Variants in ABCC1 observed in about 807,000 individuals in gnomAD.
ABCC1 encodes the protein ATP binding cassette subfamily C member 1 (ABCC1 blood group).
A neutral mutation model predicts 172.9 loss-of-function variants in ABCC1; 83 were observed. The observed-to-expected ratio is 0.48, with a 90% CI of 0.40 to 0.58. The LOEUF (loss-of-function observed/expected upper bound fraction) is 0.58. ABCC1 is among the 20% of genes least tolerant of loss of function. The probability of loss-of-function intolerance (pLI) is 0.00; values close to 1 mark genes in which losing one functional copy is unlikely to be tolerated. For synonymous variants in ABCC1, 937 were observed against 825.2 expected (o/e 1.14, Z -2.32); for missense variants, 1,817 against 2,002.7 (o/e 0.91, Z 1.77).
At chr16:16,059,263 G>A (rs1338203176) in intron 12 of ABCC1, among the ~76,000 whole-genome samples, 2 of 152,142 alleles carry the variant, frequency 1.3e-5, no homozygotes, top group African/African-American at 4.8e-5. Flanking sequence ...ATTAAATTTC[G>A]AGAGAGACTG....
intron 18 of ABCC1, among the ~76,000 whole-genome samples, chr16:16,090,191 C>T (rs990638597): frequency 4.6e-5 from 7 of 152,224 alleles, no homozygotes; most frequent in Admixed American, 1.3e-4. Context: ...GCACCTGAGG[C>T]GTGGCAGGCC....
At chr16:15,988,242 C>T (rs1429408497) in intron 1 of ABCC1, among the ~76,000 whole-genome samples, 1 of 152,160 alleles carries the variant, frequency 6.6e-6, no homozygotes, top group African/African-American at 2.4e-5. Flanking sequence ...AATACCCGTC[C>T]TCAGCAAGGC....
At chr16:16,129,962 C>T (rs2045611410) in intron 26 of ABCC1, among the ~76,000 whole-genome samples, 1 of 152,266 alleles carries the variant, frequency 6.6e-6, no homozygotes, top group South Asian at 2.1e-4. Context: ...CAGCCTGGTT[C>T]AGCACCTGTG....
chr16:16,061,763 T>A, intron 12 of ABCC1, among the ~76,000 whole-genome samples: 1 of 147,800 alleles, frequency 6.8e-6, no homozygotes, highest in East Asian at 2.0e-4. Context: ...GCTTTTTTTT[T>A]CTTTTTTTCT....
chr16:16,034,929 A>G (rs1241367089), intron 6 of ABCC1, among the ~76,000 whole-genome samples: 1 of 151,848 alleles, frequency 6.6e-6, no homozygotes, highest in Non-Finnish European at 1.5e-5. Context: ...ATGTGTTTGC[A>G]TGTGTGTGTG....
intron 1 of ABCC1, among the ~76,000 whole-genome samples, chr16:15,997,308 G>T (rs188362887): frequency 1.3e-5 from 2 of 152,146 alleles, no homozygotes; most frequent in East Asian, 3.9e-4. Flanking sequence ...AGCCAGGATG[G>T]TCTTGATCTC....
chr16:16,124,315 C>CTGTGTG (rs11270322), intron 24 of ABCC1, among the ~76,000 whole-genome samples: 18 of 36,834 alleles, frequency 4.9e-4, no homozygotes, highest in African/African-American at 1.5e-3. Context: ...TGTTAATGCA[C>CTGTGTG]TGTGTGTGTG....
chr16:16,112,003 C>A (rs964918777), intron 22 of ABCC1, among the ~76,000 whole-genome samples: 3 of 152,066 alleles, frequency 2.0e-5, no homozygotes, highest in Non-Finnish European at 2.9e-5. Context: ...GCAGTGTTGT[C>A]CCTCAGGGAT....
At chr16:16,083,782 G>A (rs1445697149) in intron 17 of ABCC1, among the ~76,000 whole-genome samples, 1 of 152,182 alleles carries the variant, frequency 6.6e-6, no homozygotes, top group African/African-American at 2.4e-5. Flanking sequence ...GCTTTCCAAA[G>A]GGGGGCTCTT....
chr16:16,004,522 C>T (rs11075290), intron 1 of ABCC1, among the ~76,000 whole-genome samples: 75,568 of 151,946 alleles, frequency 0.5, 19,669 homozygotes, highest in Non-Finnish European at 0.59. Context: ...GCCTTCTCCA[C>T]GATCAACTTC....
At chr16:16,107,149 A>AG (rs1555499923) in intron 21 of ABCC1, among the ~76,000 whole-genome samples, 1 of 152,238 alleles carries the variant, frequency 6.6e-6, no homozygotes, top group South Asian at 2.1e-4. Flanking sequence ...TGAGCAGCTC[A>AG]GGGGGGTCTC....
At position 16,056,109 on chromosome 16, in the gene ABCC1, C is replaced by T. The variant is rs1254791130; in HGVS notation, c.1491C>T (p.Ser497=). 1.9e-6 allele frequency: 3 copies of T among 1,613,974 alleles called. No individual in the cohort carries two copies. The highest frequency in any genetic ancestry group is 1.7e-5 in the Admixed American group (1 of 59,968). The stretch of plus-strand genomic sequence containing the variant: ...CTTCCAAGGTGGCCCACATGAAGAG[C>T]AAAGACAATCGGATCAAGCTGATGA... ...TKTYQVAHMK[S]KDNRIKLMNE... Residue 497 remains serine (S), a synonymous_variant, in exon 12 of 31, where the codon AGC becomes AGT. Transcript: ENST00000399410.
intron 7 of ABCC1, among the ~76,000 whole-genome samples, chr16:16,038,333 T>C (rs1241908076): frequency 6.6e-6 from 1 of 152,054 alleles, no homozygotes; most frequent in Non-Finnish European, 1.5e-5. Context: ...AGTCCAAAAG[T>C]CTCAGACCCA....
intron 19 of ABCC1, among the ~76,000 whole-genome samples, chr16:16,095,378 C>T (rs1044650633): frequency 1.3e-5 from 2 of 152,330 alleles, no homozygotes; most frequent in Admixed American, 6.5e-5. Context: ...CAAATTGCCC[C>T]CACCCTGGGG....
chr16:16,071,608 A>G, intron 13 of ABCC1, 34 bp from the exon 14 acceptor site: 1 of 1,599,914 alleles, frequency 6.3e-7, no homozygotes, highest in Non-Finnish European at 8.5e-7. Flanking sequence ...TGCTTTTTAA[A>G]AATAACTCTC....
intron 5 of ABCC1, among the ~76,000 whole-genome samples, chr16:16,028,389 C>G (rs1334832372): frequency 6.6e-6 from 1 of 152,094 alleles, no homozygotes; most frequent in Non-Finnish European, 1.5e-5. Flanking sequence ...CACATCCTGG[C>G]CTATAAGCAA....
chr16:16,011,091 G>A (rs1287674208), intron 3 of ABCC1, among the ~76,000 whole-genome samples: 2 of 152,068 alleles, frequency 1.3e-5, no homozygotes, highest in Non-Finnish European at 2.9e-5. Context: ...AAAATTAGCC[G>A]GCGTGGTGGC....
At chr16:15,955,516 C>A (rs1403824485) in intron 1 of ABCC1, among the ~76,000 whole-genome samples, 1 of 152,190 alleles carries the variant, frequency 6.6e-6, no homozygotes, top group Non-Finnish European at 1.5e-5. Context: ...GGCTGGGCAG[C>A]ATCTGTCCCC....
intron 26 of ABCC1, among the ~76,000 whole-genome samples, chr16:16,131,510 C>G (rs1364767462): frequency 6.6e-6 from 1 of 152,188 alleles, no homozygotes; most frequent in Non-Finnish European, 1.5e-5. Flanking sequence ...AGCATGCGAG[C>G]CCCAAGAGGG....
Sources: gnomAD v4.1 joint callset for allele counts (sites outside exome capture counted in the v4.1 genomes callset) on GRCh38, gnomAD v4.1.1 for gene constraint, MANE v1.5 for transcripts, NCBI Gene and HGNC (gene_info 2026-07-23, HGNC 2026-07-21) for gene names.